The following TIAM2 variants were observed in gnomAD, a reference collection of about 807,000 sequenced individuals.
The protein encoded by TIAM2 is rho guanine nucleotide exchange factor TIAM2.
TIAM2 carries 80 observed loss-of-function variants against 152.9 expected under a neutral mutation model. That is an observed-to-expected ratio of 0.52 (90% CI 0.44 to 0.63). TIAM2 has a LOEUF of 0.63. TIAM2 is among the 30% of genes least tolerant of loss of function. The pLI is 0.00. For synonymous variants in TIAM2, 804 were observed against 838.0 expected, an observed-to-expected ratio of 0.96 and a Z score of 0.70; for missense variants, 1,965 against 2,120.1, an observed-to-expected ratio of 0.93 and a Z score of 1.44.
At chr6:155,238,630 C>T (rs1028025692) in intron 15 of TIAM2, among the ~76,000 whole-genome samples, 4 of 152,358 alleles carry the variant, frequency 2.6e-5, no homozygotes, top group Admixed American at 1.3e-4. Flanking sequence ...TCCCTTGGAG[C>T]AGGCTCCCTC....
chr6:155,233,243 C>T (rs1782571253), intron 15 of TIAM2, among the ~76,000 whole-genome samples: 1 of 152,180 alleles, frequency 6.6e-6, no homozygotes, highest in Non-Finnish European at 1.5e-5. Context: ...AGGCCTCAGG[C>T]TGTGATGTCT....
At chr6:155,128,081 T>C (rs1347867148) in intron 3 of TIAM2, among the ~76,000 whole-genome samples, 1 of 152,158 alleles carries the variant, frequency 6.6e-6, no homozygotes, top group East Asian at 1.9e-4. Flanking sequence ...CTTTTCACTT[T>C]GAGTTTGGCT....
intron 14 of TIAM2, among the ~76,000 whole-genome samples, chr6:155,198,434 G>T (rs1025491868): frequency 4.6e-5 from 7 of 152,056 alleles, no homozygotes; most frequent in African/African-American, 1.4e-4. Context: ...AAGCCGAGGC[G>T]GGTGGATCAC....
chr6:154,998,808 C>T (rs9479999), intron 1 of TIAM2, among the ~76,000 whole-genome samples: 34,004 of 152,032 alleles, frequency 0.22, 4,449 homozygotes, highest in African/African-American at 0.37. Context: ...ATAGCCAGGA[C>T]GAGCTTTCAG....
chr6:155,172,651 T>TATATATATAGATATATATATAG (rs1780615479), intron 9 of TIAM2, among the ~76,000 whole-genome samples: 2 of 14,820 alleles, frequency 1.3e-4, no homozygotes, highest in African/African-American at 5.2e-4. Flanking sequence ...AATATATATA[T>TATATATATAGATATATATATAG]ATATATATAT....
intron 2 of TIAM2, among the ~76,000 whole-genome samples, chr6:155,126,891 G>T (rs1779309391): frequency 6.6e-6 from 1 of 151,468 alleles, no homozygotes; most frequent in Admixed American, 6.6e-5. Flanking sequence ...TTCGTGTCCA[G>T]CAGTGAGCAC....
chr6:155,036,516 GAA>G (rs992356519), intron 1 of TIAM2, among the ~76,000 whole-genome samples: 18 of 63,224 alleles, frequency 2.8e-4, no homozygotes, highest in Admixed American at 7.2e-4. Flanking sequence ...TCTCAAAAAA[GAA>G]AAAAAAAAAA....
At chr6:155,254,241 C>A in intron 25 of TIAM2, 178 bp from the exon 26 acceptor site, 1 of 1,023,080 alleles carries the variant, frequency 9.8e-7, no homozygotes, top group Non-Finnish European at 1.4e-6. Flanking sequence ...ATATCAAAAT[C>A]TTAAGAGTGA....
intron 1 of TIAM2, among the ~76,000 whole-genome samples, chr6:155,009,148 C>G (rs1778446326): frequency 8.2e-6 from 1 of 121,666 alleles, no homozygotes; most frequent in Non-Finnish European, 1.6e-5. Flanking sequence ...GTCACCGAGG[C>G]TGGAGTGTAG....
At chr6:155,219,952 CA>C (rs1476588042) in intron 15 of TIAM2, among the ~76,000 whole-genome samples, 1 of 152,016 alleles carries the variant, frequency 6.6e-6, no homozygotes, top group Non-Finnish European at 1.5e-5. Context: ...GGCCCTTTGG[CA>C]ATGGAGAGCT....
At chr6:155,176,767 C>A in intron 9 of TIAM2, 49 bp from the exon 10 acceptor site, 2 of 1,592,298 alleles carry the variant, frequency 1.3e-6, no homozygotes. Context: ...TGGTTTCCTT[C>A]ATTTGTTAAT....
chr6:155,207,861 G>A (rs770407189), intron 14 of TIAM2, among the ~76,000 whole-genome samples: 17 of 152,164 alleles, frequency 1.1e-4, no homozygotes, highest in Non-Finnish European at 2.4e-4. Context: ...TATAAGAAGC[G>A]AACAGTGGTT....
At chr6:155,019,970 A>G (rs550018507) in intron 1 of TIAM2, among the ~76,000 whole-genome samples, 173 of 152,120 alleles carry the variant, frequency 1.1e-3, no homozygotes, top group African/African-American at 4.0e-3. Flanking sequence ...GGAGAATCAC[A>G]TGAACCTGGA....
At chr6:154,999,119 G>A (rs879443901) in intron 1 of TIAM2, among the ~76,000 whole-genome samples, 2 of 151,996 alleles carry the variant, frequency 1.3e-5, no homozygotes, top group Non-Finnish European at 2.9e-5. Flanking sequence ...TTTCTTAAAT[G>A]CCATAAAAAG....
rs373778977 is a variant in TIAM2 at position 155,036,550 on chromosome 6, A to G, written c.-209+41058A>G. 3.8e-4 allele frequency among the ~76,000 whole-genome samples: 58 copies of G among 151,286 alleles called. 2 individuals are homozygous for G. The South Asian group carries it at 5.7e-3, about 15-fold the overall frequency. ...AAAAAAAAAGAGTGTGTTGACCTCA[A>G]AGGTCCTTGTTGGCTCTAAAGTTTG... is the stretch of plus-strand genomic sequence containing the variant. On this transcript the variant is annotated intron_variant, in intron 1 of 26. Transcript: ENST00000682666.
intron 4 of TIAM2, among the ~76,000 whole-genome samples, chr6:155,133,221 C>T (rs1466529188): frequency 2.6e-5 from 4 of 152,088 alleles, no homozygotes; most frequent in East Asian, 3.9e-4. Context: ...CTGGCATGTG[C>T]CTGTTAGTCC....
intron 2 of TIAM2, among the ~76,000 whole-genome samples, chr6:155,102,031 C>T (rs1026289037): frequency 3.4e-5 from 5 of 147,990 alleles, no homozygotes; most frequent in African/African-American, 1.0e-4. Context: ...CTCACTTTGT[C>T]GCCCAGGCTG....
At chr6:155,250,392 A>T in intron 21 of TIAM2, 1 of 541,730 alleles carries the variant, frequency 1.8e-6, no homozygotes, top group South Asian at 3.9e-5. Flanking sequence ...TTTCCTTTTT[A>T]TCTGATTGCT....
chr6:155,006,464 C>T (rs971823388), intron 1 of TIAM2, among the ~76,000 whole-genome samples: 4 of 151,218 alleles, frequency 2.6e-5, no homozygotes, highest in East Asian at 2.0e-4. Flanking sequence ...GTCAGGAGTT[C>T]GAGACCAGCC....
Sources: gnomAD v4.1 joint callset for allele counts (sites outside exome capture counted in the v4.1 genomes callset) on GRCh38, gnomAD v4.1.1 for gene constraint, MANE v1.5 for transcripts, NCBI Gene and HGNC (gene_info 2026-07-23, HGNC 2026-07-21) for gene names.